Variants in RFC3 observed in about 807,000 individuals in gnomAD.
RFC3 encodes replication factor C subunit 3.
Under a neutral mutation model 45.1 loss-of-function variants are expected in RFC3, and 41 were observed. That is an observed-to-expected ratio of 0.91 (90% confidence interval 0.71 to 1.18). The LOEUF (loss-of-function observed/expected upper bound fraction) is 1.18, where lower values mean the gene tolerates loss of function less well. Ranked by LOEUF, RFC3 falls within the 50% of genes most tolerant of loss-of-function variation. The pLI, the probability that RFC3 is intolerant of heterozygous loss-of-function variation, is 0.00. For synonymous variants in RFC3, 149 were observed against 144.0 expected (o/e 1.03, Z -0.25); for missense variants, 423 against 428.1 (o/e 0.99, Z 0.10).
At chr13:33,945,870 C>T (rs922706530) in intron 8 of RFC3, among the ~76,000 whole-genome samples, 6 of 152,172 alleles carry the variant, frequency 3.9e-5, no homozygotes, top group Non-Finnish European at 8.8e-5. Flanking sequence ...CTTTCTAAGG[C>T]GGGACATCTT....
chr13:33,836,024 T>C, intron 8 of RFC3, 80 bp from the exon 9 acceptor site: 3 of 1,373,412 alleles, frequency 2.2e-6, no homozygotes, highest in Non-Finnish European at 3.0e-6. Flanking sequence ...TTAACTTTAG[T>C]CTTTTTGTGA....
intron 8 of RFC3, among the ~76,000 whole-genome samples, chr13:33,851,530 A>G (rs2082276557): frequency 6.6e-6 from 1 of 152,196 alleles, no homozygotes; most frequent in Non-Finnish European, 1.5e-5. Context: ...CTAAAAATAT[A>G]TATTTACTAA....
intron 8 of RFC3, among the ~76,000 whole-genome samples, chr13:33,921,431 G>A (rs562236809): frequency 1.3e-5 from 2 of 152,272 alleles, no homozygotes; most frequent in Non-Finnish European, 2.9e-5. Flanking sequence ...AAAAACAAAT[G>A]TAAATGGACA....
chr13:33,905,301 T>C (rs1418467772), intron 8 of RFC3, among the ~76,000 whole-genome samples: 1 of 152,006 alleles, frequency 6.6e-6, no homozygotes, highest in Non-Finnish European at 1.5e-5. Context: ...TATGTTGCTT[T>C]TCACATTTTA....
chr13:33,836,089 A>T lies in RFC3; in HGVS notation c.880-15A>T. On this transcript the variant is annotated splice_polypyrimidine_tract_variant and intron_variant, in intron 8 of 8. Coordinates refer to ENST00000380071, the MANE Select transcript of RFC3 (RefSeq NM_002915.4). Reference sequence around the variant, plus strand: ...TTTATTAATGATTTTTAAATTACTGATTATTTTTGTTTAGGGCCTTCTCTC... The same window carrying T: ...TTTATTAATGATTTTTAAATTACTGTTTATTTTTGTTTAGGGCCTTCTCTC... 6.3e-7 allele frequency: 1 copy of T among 1,590,976 alleles called. No individual in the cohort carries two copies. The highest frequency in any genetic ancestry group is 8.6e-7 in the Non-Finnish European group (1 of 1,164,412).
Position 33,836,218 on chromosome 13 carries a change from T to G in RFC3, c.994T>G (p.Leu332Val), listed in dbSNP as rs775756105. The G allele has an allele frequency of 3.7e-6, 6 of 1,613,550 alleles. No homozygotes were observed. The South Asian group carries it at 6.6e-5, about 18-fold the overall frequency. The change falls in exon 9 of 9, where the codon TTG becomes GTG. Residue 332 changes from leucine (L) to valine (V), a missense_variant. Transcript: ENST00000380071. ...GCTGGGTAGCAAAGCCATTTATCAC[T>G]TGGAAGCGTTTGTGGCCAAATTCAT... ...LQLGSKAIYH[L>V]EAFVAKFMAL...
intron 8 of RFC3, among the ~76,000 whole-genome samples, chr13:33,883,515 T>C (rs1428885799): frequency 4.0e-5 from 6 of 151,832 alleles, no homozygotes; most frequent in African/African-American, 9.7e-5. Context: ...CACACACACA[T>C]ACACACACAC....
intron 8 of RFC3, among the ~76,000 whole-genome samples, chr13:33,894,978 C>G (rs917894248): frequency 6.6e-6 from 1 of 152,106 alleles, no homozygotes; most frequent in Non-Finnish European, 1.5e-5. Flanking sequence ...GGACACCTAT[C>G]TCTCATCGTA....
At chr13:33,972,704 G>T in the RFC3 span, among the ~76,000 whole-genome samples, 1 of 152,138 alleles carries the variant, frequency 6.6e-6, no homozygotes, top group Non-Finnish European at 1.5e-5. Flanking sequence ...GCTCTACTTA[G>T]TACCACATTA....
At chr13:33,908,581 G>A (rs949852173) in intron 8 of RFC3, among the ~76,000 whole-genome samples, 19 of 147,848 alleles carry the variant, frequency 1.3e-4, no homozygotes, top group Non-Finnish European at 2.5e-4. Flanking sequence ...GTCAGGGTTC[G>A]CCAGAGAAAA....
At chr13:33,957,082 G>A (rs772511812) in intron 8 of RFC3, among the ~76,000 whole-genome samples, 3 of 151,902 alleles carry the variant, frequency 2.0e-5, no homozygotes, top group East Asian at 1.9e-4. Flanking sequence ...ATTTAAACAT[G>A]TCCTTTTGTT....
Position 33,818,261 on chromosome 13 carries a change from A to T in RFC3, c.83A>T (p.Asn28Ile). 2 of 1,613,398 alleles carry T rather than the reference A, an allele frequency of 1.2e-6. No homozygotes were observed. Among genetic ancestry groups the T allele is most frequent in the Non-Finnish European group, 1.7e-6 (2 of 1,179,798 alleles). Residue 28 changes from asparagine (N) to isoleucine (I), a missense_variant, in exon 1 of 9, where the codon AAC becomes ATC. Asn to Ile is a moderately radical substitution (Grantham distance 149). Transcript: ENST00000380071. ...YHKEQAAQLR[N>I]LVQCGDFPHL... ...AAGGAGCAGGCGGCCCAGCTGCGGA[A>T]CCTGGTGAGTCTGCGGGGGCCGGGA... is the stretch of plus-strand genomic sequence containing the variant.
intron 8 of RFC3, among the ~76,000 whole-genome samples, chr13:33,932,962 A>G (rs1413157369): frequency 6.6e-6 from 1 of 152,174 alleles, no homozygotes; most frequent in African/African-American, 2.4e-5. Flanking sequence ...CAACTGGCAC[A>G]TGCTGATAAC....
downstream of RFC3, among the ~76,000 whole-genome samples, chr13:33,970,806 G>A (rs1401443305): frequency 6.6e-6 from 1 of 152,254 alleles, no homozygotes; most frequent in Non-Finnish European, 1.5e-5. Flanking sequence ...CCATTGAGAA[G>A]GGTCTTGTGG....
intron 8 of RFC3, among the ~76,000 whole-genome samples, chr13:33,918,960 A>G (rs1442930198): frequency 6.6e-6 from 1 of 152,118 alleles, no homozygotes; most frequent in Non-Finnish European, 1.5e-5. Flanking sequence ...CGAAGTGATC[A>G]CCCTGCCAAA....
At chr13:33,906,680 T>G (rs2082673987) in intron 8 of RFC3, among the ~76,000 whole-genome samples, 2 of 152,090 alleles carry the variant, frequency 1.3e-5, no homozygotes, top group South Asian at 4.1e-4. Context: ...AGGTTTAAAT[T>G]GGATCACTGA....
At chr13:33,831,234 G>A (rs1225704392) in intron 6 of RFC3, 22 bp from the exon 7 acceptor site, 2 of 1,412,890 alleles carry the variant, frequency 1.4e-6, no homozygotes, top group South Asian at 2.3e-5. Context: ...TTAACTTCTT[G>A]TGTTCTCTTT....
At chr13:33,927,434 TA>T (rs2082821053) in intron 8 of RFC3, among the ~76,000 whole-genome samples, 1 of 152,192 alleles carries the variant, frequency 6.6e-6, no homozygotes, top group Non-Finnish European at 1.5e-5. Flanking sequence ...GTGGCATTGC[TA>T]GGTAAAACTT....
At chr13:33,946,925 A>G (rs1213641144) in intron 8 of RFC3, among the ~76,000 whole-genome samples, 1 of 152,192 alleles carries the variant, frequency 6.6e-6, no homozygotes, top group East Asian at 1.9e-4. Context: ...GATCTTTTAC[A>G]TGTTCATGAT....
Sources: gnomAD v4.1 joint callset for allele counts (sites outside exome capture counted in the v4.1 genomes callset) on GRCh38, gnomAD v4.1.1 for gene constraint, MANE v1.5 for transcripts, NCBI Gene and HGNC (gene_info 2026-07-23, HGNC 2026-07-21) for gene names.